The following ZNF431 variants were observed in gnomAD, a reference collection of about 807,000 sequenced individuals.
The protein encoded by ZNF431 is zinc finger protein 431.
In ZNF431, 34 loss-of-function variants were observed where a neutral mutation model predicts 57.0. The ratio of observed to expected loss-of-function variants is 0.60; its 90% CI spans 0.45 to 0.79. ZNF431 has a LOEUF of 0.79. ZNF431 is among the 30% of genes least tolerant of loss of function. The pLI, the probability that ZNF431 is intolerant of heterozygous loss-of-function variation, is 0.00. For missense variants in ZNF431, 607 were observed against 667.1 expected, an observed-to-expected ratio of 0.91 and a Z score of 0.99; for synonymous variants, 207 against 220.3, an observed-to-expected ratio of 0.94 and a Z score of 0.54.
rs1239241159 is a variant in ZNF431 at position 21,189,557 on chromosome 19, C to T, written c.*5523C>T. On this transcript the variant is annotated 3_prime_UTR_variant, in exon 5 of 5. Coordinates refer to ENST00000311048, the MANE Select transcript of ZNF431 (RefSeq NM_133473.4). Reference sequence around the variant, plus strand: ...GACACTGTCATCATTTTTCAAAAATCCAAATACATTATTATGAACTATAGT... The same window carrying T: ...GACACTGTCATCATTTTTCAAAAATTCAAATACATTATTATGAACTATAGT... 4.9e-6 allele frequency: 1 copy of T among 205,772 alleles called. No individual in the cohort carries two copies. The highest frequency in any genetic ancestry group is 1.0e-4 in the East Asian group (1 of 9,826). The allele number at this position is 205,772 out of a possible 1,614,324, so 12.7% of individuals were successfully genotyped here.
At position 21,188,881 on chromosome 19, in the gene ZNF431, G is replaced by C. The variant is rs969038527; in HGVS notation, c.*4847G>C. The C allele has an allele frequency of 6.6e-6, 1 of 152,136 alleles. No individual in the cohort carries two copies. Among genetic ancestry groups the C allele is most frequent in the Admixed American group, 6.6e-5 (1 of 15,246 alleles). 9.4% of individuals were successfully genotyped at this position (152,136 alleles called of 1,614,324 possible). ...GCACCAGAAACTCCAGGTGCCCCAAGCTTAAAGTAAAAATCCTAAAGTACG... is the reference window on the plus strand; with the variant it reads ...GCACCAGAAACTCCAGGTGCCCCAACCTTAAAGTAAAAATCCTAAAGTACG... On this transcript the variant is annotated 3_prime_UTR_variant, in exon 5 of 5. Coordinates refer to ENST00000311048, the MANE Select transcript of ZNF431 (RefSeq NM_133473.4).
intron 2 of ZNF431, among the ~76,000 whole-genome samples, chr19:21,149,152 T>C (rs1970193340): frequency 6.6e-6 from 1 of 152,222 alleles, no homozygotes; most frequent in Admixed American, 6.5e-5. Context: ...ATATAAAGTC[T>C]CTTTTCTTTA....
rs116867136 is a variant in ZNF431, at chr19:21,146,663, C to T, written c.96+3020C>T. On this transcript the variant is annotated intron_variant, in intron 2 of 4. Transcript: ENST00000311048. ...AGTGAGGGCAATCAGAGGTCACTCT[C>T]GTCACATCTTGGTTTTGGTAGGTTT... 6.1e-3 allele frequency among the ~76,000 whole-genome samples: 931 copies of T among 152,270 alleles called. 33 individuals carry two copies. The East Asian group carries it at 0.1, about 17-fold the overall frequency.
chr19:21,157,122 GTTTGTT>G (rs1223842212), intron 2 of ZNF431, among the ~76,000 whole-genome samples: 14 of 151,764 alleles, frequency 9.2e-5, no homozygotes, highest in African/African-American at 3.1e-4. Context: ...AGGCAGTTAG[GTTTGTT>G]TTGTTTTATG....
intron 3 of ZNF431, 44 bp from the exon 4 acceptor site, chr19:21,167,527 G>A (rs16997591): frequency 0.024 from 33,986 of 1,407,890 alleles, 1,514 homozygotes; most frequent in African/African-American, 0.19. Flanking sequence ...TTAGTAATTA[G>A]AGAATATAGG....
chr19:21,190,872 G>T lies in ZNF431; in HGVS notation c.*6838G>T, dbSNP rs994097240. 4.0e-5 allele frequency: 6 copies of T among 151,858 alleles called. No homozygotes were observed. Among genetic ancestry groups the T allele is most frequent in the African/African-American group, 1.2e-4 (5 of 41,374 alleles). The allele number at this position is 151,858 out of a possible 1,614,324, so 9.4% of individuals were successfully genotyped here. The stretch of plus-strand genomic sequence containing the variant: ...GACGGGGTTTTTCTATATTGGTCAG[G>T]CTGGTCTCGAACTTCTGACCTCTGG... On this transcript the variant is annotated 3_prime_UTR_variant, in exon 5 of 5. Transcript: ENST00000311048.
intron 2 of ZNF431, among the ~76,000 whole-genome samples, chr19:21,160,450 G>A (rs1188943966): frequency 6.6e-6 from 1 of 152,160 alleles, no homozygotes. Context: ...TCATGCTGGA[G>A]CAGAGTATTC....
intron 2 of ZNF431, among the ~76,000 whole-genome samples, chr19:21,159,801 C>G (rs1439024273): frequency 6.6e-6 from 1 of 152,008 alleles, no homozygotes; most frequent in East Asian, 1.9e-4. Context: ...TGGTCCTGTT[C>G]TTTTTTTGGT....
intron 2 of ZNF431, among the ~76,000 whole-genome samples, chr19:21,158,072 G>A (rs888278598): frequency 2.6e-5 from 4 of 152,054 alleles, no homozygotes; most frequent in African/African-American, 9.7e-5. Flanking sequence ...AGTTAACAGC[G>A]TTTTGGTAGT....
chr19:21,148,145 C>G (rs1970158450), intron 2 of ZNF431, among the ~76,000 whole-genome samples: 1 of 152,000 alleles, frequency 6.6e-6, no homozygotes, highest in Non-Finnish European at 1.5e-5. Flanking sequence ...CAGGTGCACA[C>G]CACCATACCT....
chr19:21,150,395 G>T, intron 2 of ZNF431: 1 of 325,604 alleles, frequency 3.1e-6, no homozygotes, highest in Non-Finnish European at 5.8e-6. Context: ...AACAGCAGGG[G>T]TTGGAGCCAC....
chr19:21,142,218 G>A (rs1969958951), intron 1 of ZNF431, 32 bp downstream of exon 1: 1 of 1,613,068 alleles, frequency 6.2e-7, no homozygotes, highest in Non-Finnish European at 8.5e-7. Flanking sequence ...TCCCGAGAGA[G>A]GGGAAGGGCT....
At position 21,161,978 on chromosome 19, in the gene ZNF431, T is replaced by G. The variant is rs928056730; in HGVS notation, c.97-4357T>G. On this transcript the variant is annotated intron_variant, in intron 2 of 4. Transcript: ENST00000311048. The stretch of plus-strand genomic sequence containing the variant: ...GTTCACCCCTTGTTTTTTGTTTTTT[T>G]GTTTTTTGCTTTTTTCAGTTGGAGT... Among the ~76,000 whole-genome samples, 3 of 151,908 alleles carry G rather than the reference T, an allele frequency of 2.0e-5. No homozygotes were observed. In the South Asian group the frequency reaches 6.2e-4, roughly 32 times the overall value.
chr19:21,150,563 A>G (rs924722573), intron 2 of ZNF431: 1 of 165,742 alleles, frequency 6.0e-6, no homozygotes, highest in Non-Finnish European at 1.3e-5. Context: ...GCTGGAAAAC[A>G]AAACAGATCC....
Position 21,160,827 on chromosome 19 carries a change from G to C in ZNF431, c.97-5508G>C, listed in dbSNP as rs374174155. 5.6e-4 allele frequency among the ~76,000 whole-genome samples: 86 copies of C among 152,278 alleles called. 1 individual carries two copies. In the South Asian group the frequency reaches 0.016, roughly 29 times the overall value. On this transcript the variant is annotated intron_variant, in intron 2 of 4. Coordinates refer to ENST00000311048, the MANE Select transcript of ZNF431 (RefSeq NM_133473.4). ...GTACTTAGGTGAAAGACAAAGAGGA[G>C]GTCTTGTGACTCAAATAAACTAATT...
intron 4 of ZNF431, among the ~76,000 whole-genome samples, chr19:21,178,167 T>A (rs1483857700): frequency 6.6e-6 from 1 of 152,196 alleles, no homozygotes; most frequent in African/African-American, 2.4e-5. Context: ...GCACATTGAT[T>A]TTGTATCCTG....
chr19:21,162,835 C>A, intron 2 of ZNF431: 1 of 832,948 alleles, frequency 1.2e-6, no homozygotes, highest in Non-Finnish European at 1.4e-6. Context: ...CAGAAATATT[C>A]CATTTAGCAA....
intron 2 of ZNF431, chr19:21,150,086 T>G: frequency 1.6e-6 from 1 of 639,048 alleles, no homozygotes; most frequent in South Asian, 1.5e-5. Flanking sequence ...AGCAGCTTTC[T>G]TCTCGGCCCG....
At chr19:21,150,568 A>G (rs1970243119) in intron 2 of ZNF431, 1 of 164,914 alleles carries the variant, frequency 6.1e-6, no homozygotes, top group Admixed American at 6.3e-5. Flanking sequence ...AAAACAAAAC[A>G]GATCCTCCTA....
Sources: allele counts gnomAD v4.1 joint callset (sites outside exome capture counted in the v4.1 genomes callset), GRCh38; gene constraint gnomAD v4.1.1; transcripts MANE v1.5; gene names NCBI Gene and HGNC (gene_info 2026-07-23, HGNC 2026-07-21).